Variants in PDE4D observed in about 807,000 individuals in gnomAD.
PDE4D encodes the protein phosphodiesterase 4D, also known as 3',5'-cyclic-AMP phosphodiesterase 4D.
PDE4D carries 24 observed loss-of-function variants against 87.4 expected under a neutral mutation model. The ratio of observed to expected loss-of-function variants is 0.27; its 90% CI spans 0.20 to 0.39. PDE4D has a LOEUF of 0.39. PDE4D is among the 10% of genes least tolerant of loss of function. PDE4D has a pLI of 1.00. For synonymous variants in PDE4D, 384 were observed against 383.2 expected, an observed-to-expected ratio of 1.00 and a Z score of -0.02; for missense variants, 714 against 1,041.0, an observed-to-expected ratio of 0.69 and a Z score of 4.32.
At chr5:59,317,655 C>T (rs1201972910) in intron 1 of PDE4D, among the ~76,000 whole-genome samples, 1 of 152,100 alleles carries the variant, frequency 6.6e-6, no homozygotes. Flanking sequence ...CCTGACTTGC[C>T]AGGCACACAG....
At chr5:59,066,601 T>C (rs1350215813) in intron 5 of PDE4D, among the ~76,000 whole-genome samples, 2 of 152,034 alleles carry the variant, frequency 1.3e-5, no homozygotes, top group African/African-American at 4.8e-5. Context: ...TGGGGGACCA[T>C]GGAAAGATTT....
intron 1 of PDE4D, among the ~76,000 whole-genome samples, chr5:59,843,960 T>G (rs1032170461): frequency 6.6e-6 from 1 of 152,080 alleles, no homozygotes; most frequent in East Asian, 1.9e-4. Context: ...ATTTAAACAC[T>G]AGATTTCTTG....
intron 1 of PDE4D, among the ~76,000 whole-genome samples, chr5:59,849,255 CATT>C (rs1297502974): frequency 6.6e-6 from 1 of 151,716 alleles, no homozygotes; most frequent in African/African-American, 2.4e-5. Context: ...AGAAAAAAAT[CATT>C]ATTTAATAGA....
At chr5:60,437,150 G>A (rs372185767) in intron 1 of PDE4D, among the ~76,000 whole-genome samples, 3 of 152,060 alleles carry the variant, frequency 2.0e-5, no homozygotes, top group African/African-American at 7.2e-5. Context: ...TGTGATAGTT[G>A]AACATATGTG....
Position 59,279,914 on chromosome 5 carries a change from T to C in PDE4D, c.456-63946A>G, listed in dbSNP as rs1765521136. Among the ~76,000 whole-genome samples, 5 of 152,172 alleles carry C rather than the reference T, an allele frequency of 3.3e-5. No individual in the cohort carries two copies. In the South Asian group the frequency reaches 1.0e-3, roughly 32 times the overall value. On this transcript the variant is annotated intron_variant, in intron 1 of 14. Coordinates refer to ENST00000340635, the MANE Select transcript of PDE4D (RefSeq NM_001104631.2). The stretch of plus-strand genomic sequence containing the variant: ...GGAAGTTTTTAAAATTCATCCATCC[T>C]CTTTAGTTGTACAGTGGCAATGAAT...
intron 6 of PDE4D, among the ~76,000 whole-genome samples, chr5:59,037,291 T>G (rs1004992636): frequency 2.6e-5 from 4 of 152,192 alleles, no homozygotes; most frequent in Non-Finnish European, 5.9e-5. Flanking sequence ...GCTTGCACAT[T>G]GCTAAGTGGC....
intron 1 of PDE4D, among the ~76,000 whole-genome samples, chr5:59,681,539 A>T (rs2150364482): frequency 6.6e-6 from 1 of 152,260 alleles, no homozygotes; most frequent in East Asian, 1.9e-4. Flanking sequence ...AGATGATTAG[A>T]TCATGAGAGC....
At chr5:59,902,485 G>A (rs1384120451) in intron 3 of PDE4D, among the ~76,000 whole-genome samples, 2 of 152,098 alleles carry the variant, frequency 1.3e-5, no homozygotes, top group East Asian at 1.9e-4. Flanking sequence ...GAAAGGTTAT[G>A]CAATTCATGA....
At chr5:59,378,281 A>AG (rs1260467572) in intron 1 of PDE4D, among the ~76,000 whole-genome samples, 1 of 152,178 alleles carries the variant, frequency 6.6e-6, no homozygotes, top group Non-Finnish European at 1.5e-5. Flanking sequence ...GGCCTACCAG[A>AG]GGGTAGAAGG....
At chr5:59,373,813 C>A (rs1396827772) in intron 1 of PDE4D, among the ~76,000 whole-genome samples, 1 of 152,144 alleles carries the variant, frequency 6.6e-6, no homozygotes, top group African/African-American at 2.4e-5. Flanking sequence ...GGAAGCCCAT[C>A]AGACTAACTG....
intron 3 of PDE4D, among the ~76,000 whole-genome samples, chr5:59,938,894 ATTC>A (rs1756894451): frequency 6.6e-6 from 1 of 152,188 alleles, no homozygotes. Flanking sequence ...CATGTATCTA[ATTC>A]TTCTTTCCTC....
chr5:59,649,709 G>C (rs1178511407), intron 1 of PDE4D, among the ~76,000 whole-genome samples: 1 of 150,876 alleles, frequency 6.6e-6, no homozygotes, highest in Non-Finnish European at 1.5e-5. Flanking sequence ...CTTCACTGAA[G>C]CTTGGGAGTT....
intron 5 of PDE4D, among the ~76,000 whole-genome samples, chr5:59,056,271 T>A (rs1393287121): frequency 2.0e-5 from 3 of 152,044 alleles, no homozygotes; most frequent in Admixed American, 6.5e-5. Context: ...GTTCTCCAAA[T>A]TCTCTAAAGT....
At chr5:60,226,835 A>T (rs1745169797) in intron 1 of PDE4D, among the ~76,000 whole-genome samples, 1 of 148,698 alleles carries the variant, frequency 6.7e-6, no homozygotes, top group South Asian at 2.1e-4. Flanking sequence ...TCTACACATC[A>T]CACACACACA....
intron 1 of PDE4D, among the ~76,000 whole-genome samples, chr5:59,802,749 T>C (rs1471257311): frequency 6.6e-6 from 1 of 151,990 alleles, no homozygotes; most frequent in Non-Finnish European, 1.5e-5. Context: ...AGTATGTAAA[T>C]TGTGAAAAAA....
chr5:60,409,909 C>A (rs1741899914), intron 1 of PDE4D, among the ~76,000 whole-genome samples: 1 of 152,040 alleles, frequency 6.6e-6, no homozygotes, highest in South Asian at 2.1e-4. Context: ...ACAAAGCAGT[C>A]AGATGTGTGT....
intron 1 of PDE4D, among the ~76,000 whole-genome samples, chr5:59,319,295 T>C (rs1001775647): frequency 1.2e-4 from 18 of 152,106 alleles, no homozygotes; most frequent in Admixed American, 1.1e-3. Flanking sequence ...AAACTCTGAA[T>C]ATTTGAATTC....
At chr5:59,935,159 T>C (rs1284871440) in intron 3 of PDE4D, among the ~76,000 whole-genome samples, 1 of 152,034 alleles carries the variant, frequency 6.6e-6, no homozygotes, top group African/African-American at 2.4e-5. Flanking sequence ...GAAAAGACTT[T>C]GGAATGAAAG....
In PDE4D at chr5:59,893,693, C is replaced by G; in HGVS notation, c.-71G>C. On this transcript the variant is annotated 5_prime_UTR_variant, in exon 1 of 15. Coordinates refer to ENST00000340635, the MANE Select transcript of PDE4D (RefSeq NM_001104631.2). Reference sequence around the variant, plus strand: ...CGCTGGCCCGAGCGCCTTCCTGATGCTGCTGCTGCTGCTGCCGCCGCCGCC... The same window carrying G: ...CGCTGGCCCGAGCGCCTTCCTGATGGTGCTGCTGCTGCTGCCGCCGCCGCC... 7.3e-7 allele frequency: 1 copy of G among 1,363,128 alleles called. No homozygotes were observed. The highest frequency in any genetic ancestry group is 9.4e-7 in the Non-Finnish European group (1 of 1,067,006). The allele number at this position is 1,363,128 out of a possible 1,614,324, so 84.4% of individuals were successfully genotyped here. A position where few individuals can be genotyped will look rare whatever the true frequency, so the allele number is the denominator to read the frequency against.
Sources: allele counts gnomAD v4.1 joint callset (sites outside exome capture counted in the v4.1 genomes callset), GRCh38; gene constraint gnomAD v4.1.1; transcripts MANE v1.5; gene names NCBI Gene and HGNC (gene_info 2026-07-23, HGNC 2026-07-21).